DLG2: variants seen among roughly 807,000 people sequenced by gnomAD.
DLG2 encodes the protein discs large MAGUK scaffold protein 2.
A neutral mutation model predicts 132.5 loss-of-function variants in DLG2; 45 were observed. The ratio of observed to expected loss-of-function variants is 0.34; its 90% CI spans 0.27 to 0.44. The LOEUF (loss-of-function observed/expected upper bound fraction) is 0.44, where lower values mean the gene tolerates loss of function less well. Ranked by LOEUF, DLG2 falls within the 20% of genes least tolerant of loss-of-function variation. DLG2 has a pLI of 1.00. For missense variants in DLG2, 1,045 were observed against 1,196.9 expected (o/e 0.87, Z 1.87); for synonymous variants, 424 against 419.6 (o/e 1.01, Z -0.13).
intron 4 of DLG2, among the ~76,000 whole-genome samples, chr11:85,249,654 A>G (rs1044886811): frequency 6.6e-6 from 1 of 152,114 alleles, no homozygotes; most frequent in Non-Finnish European, 1.5e-5. Flanking sequence ...AGCAGAATCA[A>G]TGATGGAGAC....
rs1023027880 is a variant in DLG2 at position 83,539,836 on chromosome 11, G to A, written c.2117+1846C>T. On this transcript the variant is annotated intron_variant, in intron 20 of 27. Coordinates refer to ENST00000376104, the MANE Select transcript of DLG2 (RefSeq NM_001142699.3). Reference sequence around the variant, plus strand: ...CTAATTCAAGAATGATTACCAGCAGGTGGAAAATTATTCAGGAGGAATAGC... The same window carrying A: ...CTAATTCAAGAATGATTACCAGCAGATGGAAAATTATTCAGGAGGAATAGC... 1.3e-5 allele frequency among the ~76,000 whole-genome samples: 2 copies of A among 152,158 alleles called. 1 individual carries two copies. The highest frequency in any genetic ancestry group is 2.9e-5 in the Non-Finnish European group (2 of 68,028).
chr11:85,560,224 C>T (rs1321454007), intron 3 of DLG2, among the ~76,000 whole-genome samples: 2 of 151,856 alleles, frequency 1.3e-5, no homozygotes, highest in Non-Finnish European at 2.9e-5. Flanking sequence ...AGAAATTTCC[C>T]ATCTAGGAAT....
At chr11:84,417,265 T>C (rs1363304494) in intron 7 of DLG2, among the ~76,000 whole-genome samples, 2 of 152,208 alleles carry the variant, frequency 1.3e-5, no homozygotes, top group African/African-American at 4.8e-5. Context: ...ATGAAAGTCA[T>C]TTTAAATGAA....
chr11:85,396,015 G>C (rs182694418), intron 3 of DLG2, among the ~76,000 whole-genome samples: 1 of 152,108 alleles, frequency 6.6e-6, no homozygotes, highest in Non-Finnish European at 1.5e-5. Flanking sequence ...TCCCAGTAGG[G>C]GCCGACAGAC....
chr11:83,622,296 A>G (rs1312891080), intron 19 of DLG2, among the ~76,000 whole-genome samples: 1 of 152,226 alleles, frequency 6.6e-6, no homozygotes, highest in Non-Finnish European at 1.5e-5. Flanking sequence ...ATTATGTAGC[A>G]GGTCCTGGGC....
chr11:84,602,669 T>A (rs368612377), intron 6 of DLG2, among the ~76,000 whole-genome samples: 14 of 151,954 alleles, frequency 9.2e-5, no homozygotes, highest in Non-Finnish European at 1.6e-4. Context: ...CCTTTAAGGA[T>A]GCAGTGGGAG....
chr11:83,483,773 A>C (rs2093318083), intron 22 of DLG2, among the ~76,000 whole-genome samples: 1 of 152,190 alleles, frequency 6.6e-6, no homozygotes, highest in South Asian at 2.1e-4. Context: ...ATTCCAAAAA[A>C]CATATGTGGC....
intron 6 of DLG2, among the ~76,000 whole-genome samples, chr11:84,905,269 T>C (rs1403923358): frequency 6.6e-6 from 1 of 152,218 alleles, no homozygotes; most frequent in Non-Finnish European, 1.5e-5. Flanking sequence ...GTACAAGTTC[T>C]TCTTTTTCTA....
intron 11 of DLG2, among the ~76,000 whole-genome samples, chr11:84,052,491 C>G (rs548069640): frequency 1.3e-5 from 2 of 151,190 alleles, no homozygotes; most frequent in East Asian, 3.9e-4. Context: ...AGAACTTAAA[C>G]AAATTTACAA....
At chr11:84,811,664 T>C (rs1258398707) in intron 6 of DLG2, among the ~76,000 whole-genome samples, 1 of 152,162 alleles carries the variant, frequency 6.6e-6, no homozygotes, top group East Asian at 1.9e-4. Flanking sequence ...TGATTATATG[T>C]AGCTATATGA....
chr11:83,690,104 T>C (rs1300960582), intron 18 of DLG2, among the ~76,000 whole-genome samples: 1 of 149,112 alleles, frequency 6.7e-6, no homozygotes, highest in Non-Finnish European at 1.5e-5. Flanking sequence ...TGTGTCACAG[T>C]GTGGCACACT....
intron 6 of DLG2, among the ~76,000 whole-genome samples, chr11:85,100,597 G>A (rs349082): frequency 0.51 from 76,893 of 151,896 alleles, 19,923 homozygotes; most frequent in East Asian, 0.66. Context: ...TAATGCTAGT[G>A]CATGCCAATG....
At chr11:83,869,078 C>A (rs760633102) in intron 16 of DLG2, among the ~76,000 whole-genome samples, 2 of 152,188 alleles carry the variant, frequency 1.3e-5, no homozygotes, top group South Asian at 2.1e-4. Flanking sequence ...TTATTTAACT[C>A]AACCTGATCA....
At chr11:85,223,719 G>A (rs1330817719) in intron 4 of DLG2, among the ~76,000 whole-genome samples, 1 of 152,010 alleles carries the variant, frequency 6.6e-6, no homozygotes, top group East Asian at 1.9e-4. Flanking sequence ...TAAAACATCT[G>A]GACCACCTCA....
intron 3 of DLG2, among the ~76,000 whole-genome samples, chr11:85,570,103 C>T (rs2077763068): frequency 6.6e-6 from 1 of 152,072 alleles, no homozygotes; most frequent in Non-Finnish European, 1.5e-5. Flanking sequence ...ATATGTGCCT[C>T]CTGTATCTAA....
At chr11:85,287,455 A>T (rs998985448) in intron 3 of DLG2, among the ~76,000 whole-genome samples, 7 of 152,138 alleles carry the variant, frequency 4.6e-5, no homozygotes, top group Non-Finnish European at 1.0e-4. Context: ...ACAAACTAAG[A>T]TCATAGTCAA....
chr11:85,017,716 G>C (rs755218376), intron 6 of DLG2, among the ~76,000 whole-genome samples: 1 of 152,188 alleles, frequency 6.6e-6, no homozygotes. Flanking sequence ...GAGAAGAAAA[G>C]CTACTGGAGA....
chr11:85,058,172 C>T (rs1395644911), intron 6 of DLG2, among the ~76,000 whole-genome samples: 1 of 151,336 alleles, frequency 6.6e-6, no homozygotes, highest in Non-Finnish European at 1.5e-5. Context: ...ATAGACGAAG[C>T]ATTAGAAATG....
chr11:83,958,962 A>T (rs1451402110), intron 14 of DLG2, among the ~76,000 whole-genome samples: 1 of 152,130 alleles, frequency 6.6e-6, no homozygotes, highest in Non-Finnish European at 1.5e-5. Context: ...CTCTATATTT[A>T]CTTATGGCCC....
Sources: allele counts gnomAD v4.1 joint callset (sites outside exome capture counted in the v4.1 genomes callset), GRCh38; gene constraint gnomAD v4.1.1; transcripts MANE v1.5; gene names NCBI Gene and HGNC (gene_info 2026-07-23, HGNC 2026-07-21).